Variants in RUFY4 observed in about 807,000 individuals in gnomAD.
RUFY4 encodes RUN and FYVE domain-containing protein 4.
In RUFY4, 73 loss-of-function variants were observed where a neutral mutation model predicts 69.0. The observed-to-expected ratio is 1.06, with a 90% CI of 0.88 to 1.29. The LOEUF is 1.29. RUFY4 is among the 50% of genes most tolerant of loss of function. The pLI is 0.00. For missense variants in RUFY4, 770 were observed against 705.6 expected, an observed-to-expected ratio of 1.09 and a Z score of -1.03; for synonymous variants, 287 against 271.8, an observed-to-expected ratio of 1.06 and a Z score of -0.55.
chr2:218,073,460 C>A, intron 5 of RUFY4, 74 bp downstream of exon 7: 2 of 1,539,632 alleles, frequency 1.3e-6, no homozygotes, highest in South Asian at 2.4e-5. Flanking sequence ...CCAGGCAAGC[C>A]CCAAGCCCTC....
intron 8 of RUFY4, 92 bp downstream of exon 10, chr2:218,076,625 C>A: frequency 6.6e-7 from 1 of 1,512,380 alleles, no homozygotes; most frequent in African/African-American, 1.4e-5. Flanking sequence ...CTTGTGAGAA[C>A]CTCCCATGCA....
exon 9 of RUFY4, chr2:218,083,210 C>T (rs1170556778): frequency 5.6e-6 from 9 of 1,612,446 alleles, no homozygotes; most frequent in Admixed American, 1.7e-5. Flanking sequence ...TGGAGGGCAG[C>T]GGGACTTGGT....
chr2:218,044,036 G>A (rs922812773), intron 2 of RUFY4, among the ~76,000 whole-genome samples: 5 of 152,226 alleles, frequency 3.3e-5, no homozygotes, highest in Non-Finnish European at 5.9e-5. Flanking sequence ...CTCCATGATC[G>A]GAGTGGGCAC....
At chr2:218,061,849 G>A (rs1187612065) in intron 3 of RUFY4, among the ~76,000 whole-genome samples, 1 of 152,214 alleles carries the variant, frequency 6.6e-6, no homozygotes. Context: ...AGGGGACTAA[G>A]CAGCCACTCC....
chr2:218,060,150 G>A (rs1689147888), intron 3 of RUFY4: 2 of 474,474 alleles, frequency 4.2e-6, no homozygotes, highest in Non-Finnish European at 7.6e-6. Flanking sequence ...GGCAAGGGGT[G>A]AGGTACCAGG....
intron 2 of RUFY4, among the ~76,000 whole-genome samples, chr2:218,045,072 A>C (rs372436699): frequency 6.6e-6 from 1 of 152,170 alleles, no homozygotes; most frequent in South Asian, 2.1e-4. Flanking sequence ...ACAGTGTATA[A>C]GTGTTCCTTT....
intron 2 of RUFY4, among the ~76,000 whole-genome samples, chr2:218,038,377 A>G (rs1413607790): frequency 1.3e-5 from 2 of 152,362 alleles, no homozygotes. Context: ...CATCAGAGAC[A>G]TAGACAGAGC....
chr2:218,075,559 G>A (rs879248643), exon 7 of RUFY4: 2 of 1,533,534 alleles, frequency 1.3e-6, no homozygotes, highest in East Asian at 2.3e-5. Context: ...GCTGTAGAGG[G>A]AGCAGTATCA....
At chr2:218,065,151 A>G (rs913913140), upstream of RUFY4, among the ~76,000 whole-genome samples, 1 of 151,972 alleles carries the variant, frequency 6.6e-6, no homozygotes, top group Non-Finnish European at 1.5e-5. Flanking sequence ...CTTCCCACCC[A>G]CACCCAAGCC....
At chr2:218,059,617 G>A (rs2106036685) in intron 3 of RUFY4, 1 of 167,144 alleles carries the variant, frequency 6.0e-6, no homozygotes, top group South Asian at 2.1e-4. Context: ...CCTCTTTCAG[G>A]CTGAAGGATA....
At position 218,075,304 on chromosome 2, in the gene RUFY4, AG is replaced by A. The variant is rs1203434461; in HGVS notation, c.814del (p.Glu272SerfsTer4). On this transcript the variant is annotated frameshift_variant, in exon 7 of 11. Transcript: ENST00000344321. LOFTEE classifies it high-confidence loss of function. The stretch of plus-strand genomic sequence containing the variant: ...CAGAGCATGTGGGAGCCAGAAGGGA[AG>A]GAGCTTCAGCTAGACCAGGAGGAAA... The A allele has an allele frequency of 1.9e-6, 3 of 1,606,256 alleles. No homozygotes were observed. The African/African-American group carries it at 4.0e-5, about 21-fold the overall frequency.
intron 2 of RUFY4, among the ~76,000 whole-genome samples, chr2:218,053,515 T>A (rs1688990040): frequency 6.6e-6 from 1 of 151,928 alleles, no homozygotes; most frequent in Non-Finnish European, 1.5e-5. Flanking sequence ...CTGGCTAATT[T>A]TTTTTTTATT....
At chr2:218,060,192 G>C in intron 3 of RUFY4, 2 of 660,458 alleles carry the variant, frequency 3.0e-6, no homozygotes, top group Non-Finnish European at 5.0e-6. Flanking sequence ...AGGGAAACTA[G>C]TAAGAACGTG....
chr2:218,046,383 C>A (rs994554328), intron 2 of RUFY4, among the ~76,000 whole-genome samples: 4 of 152,028 alleles, frequency 2.6e-5, no homozygotes, highest in Admixed American at 2.6e-4. Context: ...CCTCTAGTAA[C>A]CTCTCTTCTA....
chr2:218,077,193 C>T (rs4672870), intron 8 of RUFY4, among the ~76,000 whole-genome samples: 65,390 of 151,982 alleles, frequency 0.43, 14,447 homozygotes, highest in Middle Eastern at 0.61. Context: ...TGGGCTCAGA[C>T]GCCCCATTCA....
chr2:218,053,145 A>G (rs1688983386), intron 2 of RUFY4, among the ~76,000 whole-genome samples: 1 of 151,950 alleles, frequency 6.6e-6, no homozygotes, highest in Non-Finnish European at 1.5e-5. Context: ...TTTTAATTAA[A>G]TGTTTTAAGC....
intron 2 of RUFY4, among the ~76,000 whole-genome samples, chr2:218,072,005 G>T (rs1689499560): frequency 6.6e-6 from 1 of 152,218 alleles, no homozygotes; most frequent in Non-Finnish European, 1.5e-5. Flanking sequence ...CCCAGGCAAG[G>T]CTAGGGGCAC....
chr2:218,061,051 G>A, intron 3 of RUFY4: 2 of 665,702 alleles, frequency 3.0e-6, no homozygotes, highest in Non-Finnish European at 5.7e-6. Context: ...TCCTTCAGGA[G>A]CTAGACCACC....
At chr2:218,049,667 T>C (rs574580549) in intron 2 of RUFY4, among the ~76,000 whole-genome samples, 149 of 152,136 alleles carry the variant, frequency 9.8e-4, no homozygotes, top group African/African-American at 3.5e-3. Flanking sequence ...CCACCACAGC[T>C]GGCTAATTTT....
Sources: allele counts gnomAD v4.1 joint callset (sites outside exome capture counted in the v4.1 genomes callset), GRCh38; gene constraint gnomAD v4.1.1; transcripts MANE v1.5; gene names NCBI Gene and HGNC (gene_info 2026-07-23, HGNC 2026-07-21).